The following DDAH1 variants were observed in gnomAD, a reference collection of about 807,000 sequenced individuals.
DDAH1 encodes dimethylarginine dimethylaminohydrolase 1.
In DDAH1, 19 loss-of-function variants were observed where a neutral mutation model predicts 28.8. The observed-to-expected ratio is 0.66, with a 90% CI of 0.46 to 0.97. DDAH1 has a LOEUF of 0.97. Among genes scored for constraint, DDAH1 ranks in the 50% least tolerant of loss-of-function variants. The pLI is 0.00. For synonymous variants in DDAH1, 153 were observed against 154.4 expected, an observed-to-expected ratio of 0.99 and a Z score of 0.07; for missense variants, 326 against 375.9, an observed-to-expected ratio of 0.87 and a Z score of 1.10.
chr1:85,546,740 G>C (rs1351185924), intron 1 of DDAH1, among the ~76,000 whole-genome samples: 1 of 152,158 alleles, frequency 6.6e-6, no homozygotes, highest in East Asian at 1.9e-4. Flanking sequence ...CTGTATACAT[G>C]ACAATAGGCA....
intron 1 of DDAH1, among the ~76,000 whole-genome samples, chr1:85,375,596 G>A (rs775726104): frequency 1.3e-5 from 2 of 152,068 alleles, no homozygotes; most frequent in Admixed American, 6.6e-5. Context: ...CCTACTAGAC[G>A]GTGTTGATCA....
intron 1 of DDAH1, among the ~76,000 whole-genome samples, chr1:85,525,281 T>G (rs1175915269): frequency 6.6e-6 from 1 of 152,064 alleles, no homozygotes; most frequent in East Asian, 1.9e-4. Context: ...AAAACCTTTC[T>G]TTCATAAGAA....
At chr1:85,378,168 G>C (rs1570456737) in intron 1 of DDAH1, among the ~76,000 whole-genome samples, 1 of 152,184 alleles carries the variant, frequency 6.6e-6, no homozygotes, top group African/African-American at 2.4e-5. Context: ...CCCTATTAAA[G>C]GTAAAGTGAT....
At chr1:85,577,313 A>G (rs1044688796) in intron 1 of DDAH1, among the ~76,000 whole-genome samples, 3 of 152,196 alleles carry the variant, frequency 2.0e-5, no homozygotes, top group Admixed American at 2.0e-4. Flanking sequence ...CCTGGCTGTC[A>G]AGCCAAGGGG....
chr1:85,514,282 G>A (rs1657363370), intron 1 of DDAH1, among the ~76,000 whole-genome samples: 1 of 152,092 alleles, frequency 6.6e-6, no homozygotes, highest in Non-Finnish European at 1.5e-5. Flanking sequence ...ACTATCACAA[G>A]GACAGAAAAC....
chr1:85,428,812 G>A lies in DDAH1; in HGVS notation c.303+35931C>T, dbSNP rs190056147. Among the ~76,000 whole-genome samples the A allele has an allele frequency of 4.1e-4, 62 of 152,090 alleles. No homozygotes were observed. The East Asian group carries it at 0.012, about 29-fold the overall frequency. ...AGCATTTTAGCTAGAGGATAAGAAC[G>A]CTGCTGGATTAAAATTTTCTGGTGC... On this transcript the variant is annotated intron_variant, in intron 1 of 5. Coordinates refer to ENST00000284031, the MANE Select transcript of DDAH1 (RefSeq NM_012137.4).
intron 1 of DDAH1, among the ~76,000 whole-genome samples, chr1:85,422,238 C>T (rs1278004030): frequency 4.6e-5 from 7 of 152,080 alleles, no homozygotes; most frequent in Non-Finnish European, 7.4e-5. Flanking sequence ...CTTTTTCCTA[C>T]TTTTTAATTA....
chr1:85,415,624 T>TCTTCACCACTCTTACAGC (rs1652856810), intron 1 of DDAH1, among the ~76,000 whole-genome samples: 2 of 152,166 alleles, frequency 1.3e-5, no homozygotes, highest in African/African-American at 4.8e-5. Context: ...AAAAGTATGA[T>TCTTCACCACTCTTACAGC]TCTATTTATG....
chr1:85,435,868 G>A (rs1653910943), intron 1 of DDAH1, among the ~76,000 whole-genome samples: 1 of 152,024 alleles, frequency 6.6e-6, no homozygotes, highest in African/African-American at 2.4e-5. Flanking sequence ...TCATCTCACT[G>A]CAACCTCTGC....
At chr1:85,567,241 C>T (rs747243570) in intron 1 of DDAH1, among the ~76,000 whole-genome samples, 3 of 152,220 alleles carry the variant, frequency 2.0e-5, no homozygotes, top group Non-Finnish European at 4.4e-5. Flanking sequence ...AAATTTAACA[C>T]ATAAAATTAA....
intron 1 of DDAH1, among the ~76,000 whole-genome samples, chr1:85,419,061 G>A (rs951518904): frequency 3.3e-5 from 5 of 152,080 alleles, no homozygotes; most frequent in African/African-American, 9.7e-5. Context: ...TGTAATCAAC[G>A]TATGCTAAGT....
At chr1:85,378,078 T>C (rs1570456646) in intron 1 of DDAH1, among the ~76,000 whole-genome samples, 1 of 152,316 alleles carries the variant, frequency 6.6e-6, no homozygotes, top group East Asian at 1.9e-4. Context: ...AGTAAAAGAC[T>C]ATTCTGTTCA....
intron 1 of DDAH1, among the ~76,000 whole-genome samples, chr1:85,370,307 T>A (rs1174876428): frequency 6.6e-6 from 1 of 152,190 alleles, no homozygotes; most frequent in Non-Finnish European, 1.5e-5. Context: ...ACTGCTAGCC[T>A]CCAGCATTGT....
intron 4 of DDAH1, among the ~76,000 whole-genome samples, chr1:85,337,532 C>CAA (rs1388770316): frequency 5.9e-5 from 9 of 151,782 alleles, no homozygotes; most frequent in African/African-American, 2.2e-4. Context: ...TGGCTCACTG[C>CAA]AACTTCTGCC....
chr1:85,401,886 A>C (rs1270278753), intron 1 of DDAH1, among the ~76,000 whole-genome samples: 1 of 152,232 alleles, frequency 6.6e-6, no homozygotes, highest in Non-Finnish European at 1.5e-5. Context: ...TGTTTTAAAA[A>C]GAAGCACAAT....
At chr1:85,506,629 A>G (rs1557702650) in intron 1 of DDAH1, among the ~76,000 whole-genome samples, 1 of 152,222 alleles carries the variant, frequency 6.6e-6, no homozygotes, top group Non-Finnish European at 1.5e-5. Flanking sequence ...TGACCTAGGT[A>G]GAGCTTAGGC....
At chr1:85,553,733 C>A (rs1325534499) in intron 1 of DDAH1, among the ~76,000 whole-genome samples, 1 of 152,180 alleles carries the variant, frequency 6.6e-6, no homozygotes. Context: ...CATCTGGGGA[C>A]TGTCAGCAAT....
chr1:85,433,101 TATAC>T (rs774367852), intron 1 of DDAH1, among the ~76,000 whole-genome samples: 21 of 152,128 alleles, frequency 1.4e-4, no homozygotes, highest in African/African-American at 4.1e-4. Flanking sequence ...CATGCATACA[TATAC>T]ATACATACAT....
rs948958690 is a variant in DDAH1, at chr1:85,553,512, G to C, written c.-123+24472C>G. 6.6e-5 allele frequency among the ~76,000 whole-genome samples: 10 copies of C among 152,302 alleles called. 1 individual carries two copies. The highest frequency in any genetic ancestry group is 4.1e-4 in the South Asian group (2 of 4,826). ...ACCTGGGTCCTAACTATGAAGATGAGGCCAGAAGAAACTGGAGGCCCAGAG... is the reference window on the plus strand; with the variant it reads ...ACCTGGGTCCTAACTATGAAGATGACGCCAGAAGAAACTGGAGGCCCAGAG... On this transcript the variant is annotated intron_variant, in intron 1 of 6. Transcript: ENST00000426972.
Sources: allele counts gnomAD v4.1 joint callset (sites outside exome capture counted in the v4.1 genomes callset), GRCh38; gene constraint gnomAD v4.1.1; transcripts MANE v1.5; gene names NCBI Gene and HGNC (gene_info 2026-07-23, HGNC 2026-07-21).